SUGT1: variants seen among roughly 807,000 people sequenced by gnomAD.
The protein encoded by SUGT1 is SGT1 assembly cochaperone of MIS12 kinetochore complex.
A neutral mutation model predicts 56.1 loss-of-function variants in SUGT1; 15 were observed. That is an observed-to-expected ratio of 0.27 (90% CI 0.18 to 0.41). SUGT1 has a LOEUF of 0.41. Ranked by LOEUF, SUGT1 falls within the 10% of genes least tolerant of loss-of-function variation. The probability of loss-of-function intolerance (pLI) is 1.00; values close to 1 mark genes in which losing one functional copy is unlikely to be tolerated. For synonymous variants in SUGT1, 123 were observed against 128.6 expected (o/e 0.96, Z 0.30); for missense variants, 347 against 382.2 (o/e 0.91, Z 0.77).
At chr13:52,666,458 T>C (rs1193282651) in intron 9 of SUGT1, among the ~76,000 whole-genome samples, 1 of 152,222 alleles carries the variant, frequency 6.6e-6, no homozygotes, top group Non-Finnish European at 1.5e-5. Context: ...GAGGTAGTGA[T>C]AGAACTGTAT....
chr13:52,663,857 T>C (rs1373373314), intron 7 of SUGT1, among the ~76,000 whole-genome samples, 178 bp from the exon 8 acceptor site: 1 of 152,246 alleles, frequency 6.6e-6, no homozygotes, highest in Non-Finnish European at 1.5e-5. Context: ...CGAAAACTAG[T>C]GGTATTTAAC....
chr13:52,672,548 G>A (rs1307725847), intron 10 of SUGT1, among the ~76,000 whole-genome samples: 1 of 152,184 alleles, frequency 6.6e-6, no homozygotes, highest in African/African-American at 2.4e-5. Context: ...TCAGACAAAG[G>A]AATTTGATGT....
intron 2 of SUGT1, among the ~76,000 whole-genome samples, chr13:52,656,873 C>G (rs1962188486): frequency 2.0e-5 from 3 of 152,210 alleles, no homozygotes; most frequent in Non-Finnish European, 4.4e-5. Context: ...TCTCTTACAT[C>G]ATTATTTTTC....
In SUGT1 at chr13:52,696,718, C is replaced by T. The variant is rs1963944677; in HGVS notation, c.*8883C>T. 6.6e-6 allele frequency: 1 copy of T among 152,080 alleles called. No individual in the cohort carries two copies. Among genetic ancestry groups the T allele is most frequent in the Admixed American group, 6.6e-5 (1 of 15,264 alleles). 9.4% of individuals were successfully genotyped at this position (152,080 alleles called of 1,614,324 possible). On this transcript the variant is annotated 3_prime_UTR_variant, in exon 13 of 13. Transcript: ENST00000310528. ...AGGCGTGATAATTGTGTGTTACAGC[C>T]TCAAAGTCCAGGGCTCGAGTGATCT...
chr13:52,663,044 T>C, intron 6 of SUGT1, 52 bp from the exon 7 acceptor site: 1 of 1,584,536 alleles, frequency 6.3e-7, no homozygotes, highest in Non-Finnish European at 8.6e-7. Context: ...CAAATAACTT[T>C]GCTTAAAAAT....
chr13:52,664,777 G>A (rs1962618627), intron 8 of SUGT1, among the ~76,000 whole-genome samples: 1 of 152,162 alleles, frequency 6.6e-6, no homozygotes, highest in Admixed American at 6.5e-5. Flanking sequence ...GACTTGCCCT[G>A]GTGGCAGCAG....
Position 52,680,103 on chromosome 13 carries a change from A to T in SUGT1, c.848A>T (p.Gln283Leu). 6.3e-7 allele frequency: 1 copy of T among 1,595,866 alleles called. No individual in the cohort carries two copies. The highest frequency in any genetic ancestry group is 8.5e-7 in the Non-Finnish European group (1 of 1,175,196). The change falls in exon 12 of 13, where the codon CAG becomes CTG. Residue 283 changes from glutamine to leucine, a missense_variant. Coordinates refer to ENST00000310528, the MANE Select transcript of SUGT1 (RefSeq NM_006704.5). ...GDAALNRLFQ[Q>L]IYSDGSDEVK... The stretch of plus-strand genomic sequence containing the variant: ...GCAGCTTTAAACAGATTATTTCAGC[A>T]GATCTATTCAGATGGTTCTGATGAA...
intron 5 of SUGT1, among the ~76,000 whole-genome samples, chr13:52,660,930 C>T (rs1418532956): frequency 6.6e-6 from 1 of 152,182 alleles, no homozygotes; most frequent in East Asian, 1.9e-4. Flanking sequence ...CCTCAGCCTC[C>T]TGAGTAACTG....
chr13:52,679,729 C>T (rs1963293280), intron 11 of SUGT1, among the ~76,000 whole-genome samples: 1 of 152,136 alleles, frequency 6.6e-6, no homozygotes, highest in African/African-American at 2.4e-5. Context: ...CAAAAGTTTA[C>T]ACTTTATTGA....
chr13:52,658,499 TG>T, intron 4 of SUGT1, 31 bp downstream of exon 4: 1 of 1,586,636 alleles, frequency 6.3e-7, no homozygotes, highest in Non-Finnish European at 8.5e-7. Flanking sequence ...TTGTTGAGCT[TG>T]GTATAGATAG....
At chr13:52,684,605 C>T (rs916314335) in intron 12 of SUGT1, among the ~76,000 whole-genome samples, 3 of 152,002 alleles carry the variant, frequency 2.0e-5, no homozygotes, top group Non-Finnish European at 4.4e-5. Context: ...GTGGTGCGAT[C>T]GTGGCTCAGT....
intron 2 of SUGT1, among the ~76,000 whole-genome samples, chr13:52,655,213 T>C (rs1962104639): frequency 6.6e-6 from 1 of 152,056 alleles, no homozygotes; most frequent in Non-Finnish European, 1.5e-5. Context: ...GGCATGGTGG[T>C]GGGCAGCCGT....
chr13:52,694,676 ATTTG>A lies in SUGT1; in HGVS notation c.*6847_*6850del, dbSNP rs1473844253. The A allele has an allele frequency of 2.0e-5, 3 of 152,198 alleles. No individual in the cohort carries two copies. The highest frequency in any genetic ancestry group is 4.4e-5 in the Non-Finnish European group (3 of 68,052). 9.4% of individuals were successfully genotyped at this position (152,198 alleles called of 1,614,324 possible). A position where few individuals can be genotyped will look rare whatever the true frequency, so the allele number is the denominator to read the frequency against. ...TTCCCATCAGTGAAAAGAAGCTGAT[ATTTG>A]TTTGTGTTTGTTTTTGTTTTTGTTT... is the stretch of plus-strand genomic sequence containing the variant. On this transcript the variant is annotated 3_prime_UTR_variant, in exon 13 of 13. Coordinates refer to ENST00000310528, the MANE Select transcript of SUGT1 (RefSeq NM_006704.5).
Position 52,687,632 on chromosome 13 carries a change from A to G in SUGT1, c.901-102A>G. On this transcript the variant is annotated intron_variant, in intron 12 of 12. Coordinates refer to ENST00000310528, the MANE Select transcript of SUGT1 (RefSeq NM_006704.5). ...ATAGAGTTTATATTGAGCTGTATATAATAGCCAATATTTGGGGCTCTATGC... is the reference window on the plus strand; with the variant it reads ...ATAGAGTTTATATTGAGCTGTATATGATAGCCAATATTTGGGGCTCTATGC... 15 of 744,448 alleles carry G rather than the reference A, an allele frequency of 2.0e-5. 1 individual carries two copies. The South Asian group carries it at 3.3e-4, about 17-fold the overall frequency. The allele number at this position is 744,448 out of a possible 1,614,324, so 46.1% of individuals were successfully genotyped here. A position where few individuals can be genotyped will look rare whatever the true frequency, so the allele number is the denominator to read the frequency against.
chr13:52,664,919 A>T (rs1396019701), intron 8 of SUGT1, among the ~76,000 whole-genome samples: 1 of 152,190 alleles, frequency 6.6e-6, no homozygotes, highest in Non-Finnish European at 1.5e-5. Flanking sequence ...CAGGATAAAC[A>T]GCTCTGCCCT....
intron 10 of SUGT1, among the ~76,000 whole-genome samples, chr13:52,675,187 C>T (rs9563114): frequency 0.56 from 85,157 of 152,032 alleles, 24,178 homozygotes; most frequent in East Asian, 0.75. Context: ...GTGCTCTCTC[C>T]TGAGCTTTTA....
intron 10 of SUGT1, 84 bp from the exon 11 acceptor site, chr13:52,676,146 C>A: frequency 9.4e-7 from 1 of 1,066,508 alleles, no homozygotes; most frequent in Non-Finnish European, 1.3e-6. Flanking sequence ...CTTAACAAAA[C>A]TTTGATGACT....
intron 5 of SUGT1, among the ~76,000 whole-genome samples, 173 bp downstream of exon 5, chr13:52,659,422 A>G (rs1962318518): frequency 6.6e-6 from 1 of 152,166 alleles, no homozygotes; most frequent in Non-Finnish European, 1.5e-5. Flanking sequence ...AATCGATTAA[A>G]TTAGCCTTTT....
intron 2 of SUGT1, among the ~76,000 whole-genome samples, chr13:52,654,580 G>A (rs1043568518): frequency 2.0e-5 from 3 of 152,082 alleles, no homozygotes; most frequent in African/African-American, 7.2e-5. Context: ...TCCTTAATGC[G>A]CCTTCTCAGC....
Sources: gnomAD v4.1 joint callset for allele counts (sites outside exome capture counted in the v4.1 genomes callset) on GRCh38, gnomAD v4.1.1 for gene constraint, MANE v1.5 for transcripts, NCBI Gene and HGNC (gene_info 2026-07-23, HGNC 2026-07-21) for gene names.